Variants in SDK1 observed in about 807,000 individuals in gnomAD.
The protein encoded by SDK1 is protein sidekick-1.
A neutral mutation model predicts 245.5 loss-of-function variants in SDK1; 157 were observed. The ratio of observed to expected loss-of-function variants is 0.64; its 90% CI spans 0.56 to 0.73. The LOEUF (loss-of-function observed/expected upper bound fraction) is 0.73. Among genes scored for constraint, SDK1 ranks in the 30% least tolerant of loss-of-function variants. The pLI, the probability that SDK1 is intolerant of heterozygous loss-of-function variation, is 0.00. For synonymous variants in SDK1, 1,647 were observed against 1,278.5 expected, an observed-to-expected ratio of 1.29 and a Z score of -6.15; for missense variants, 3,583 against 3,002.3, an observed-to-expected ratio of 1.19 and a Z score of -4.52.
chr7:4,061,932 T>G (rs2128171168), intron 19 of SDK1, among the ~76,000 whole-genome samples: 1 of 129,288 alleles, frequency 7.7e-6, no homozygotes, highest in South Asian at 2.4e-4. Context: ...AATTGAACAG[T>G]GAGAACACAT....
Position 4,022,900 on chromosome 7 carries a change from A to G in SDK1, c.2602+5548A>G, listed in dbSNP as rs368440794. ...GCCGTTCTCCTGCCTCAGCCTCCCA[A>G]GTAGCTGGGACCACAGGCGCCCGCC... On this transcript the variant is annotated intron_variant, in intron 17 of 44. Coordinates refer to ENST00000404826, the MANE Select transcript of SDK1 (RefSeq NM_152744.4). Among the ~76,000 whole-genome samples the G allele has an allele frequency of 8.7e-4, 132 of 151,176 alleles. 3 individuals carry two copies. The South Asian group carries it at 0.026, about 30-fold the overall frequency.
rs966947553 is a variant in SDK1 at position 4,234,985 on chromosome 7, C to T, written c.5992+1566C>T. Among the ~76,000 whole-genome samples, 4 of 152,318 alleles carry T rather than the reference C, an allele frequency of 2.6e-5. No individual in the cohort carries two copies. In the East Asian group the frequency reaches 7.7e-4, roughly 29 times the overall value. ...GCGTTAGAGCTGCTTGAGCTACTGA[C>T]TGCACTTGTTGAAATTGAACTTAAC... On this transcript the variant is annotated intron_variant, in intron 41 of 44. Transcript: ENST00000404826.
intron 17 of SDK1, among the ~76,000 whole-genome samples, chr7:4,044,039 C>A (rs935387787): frequency 2.0e-5 from 3 of 152,132 alleles, no homozygotes; most frequent in Non-Finnish European, 4.4e-5. Context: ...TCTATTGCTG[C>A]CTAACTGACT....
At chr7:3,589,594 C>G (rs571317427) in intron 1 of SDK1, among the ~76,000 whole-genome samples, 16 of 152,278 alleles carry the variant, frequency 1.1e-4, no homozygotes, top group Admixed American at 1.0e-3. Flanking sequence ...GGGGAGGCCT[C>G]ACAATCATGG....
intron 4 of SDK1, among the ~76,000 whole-genome samples, chr7:3,676,390 G>A (rs1374531728): frequency 1.3e-5 from 2 of 148,262 alleles, no homozygotes; most frequent in South Asian, 2.1e-4. Context: ...CAGTGGCGCA[G>A]TCTCAGCTCA....
intron 1 of SDK1, among the ~76,000 whole-genome samples, chr7:3,579,892 G>T (rs1490007797): frequency 6.6e-6 from 1 of 152,218 alleles, no homozygotes; most frequent in African/African-American, 2.4e-5. Flanking sequence ...CCTTGGGTGA[G>T]TCATCATCTT....
intron 35 of SDK1, among the ~76,000 whole-genome samples, chr7:4,181,321 G>A (rs60726763): frequency 0.28 from 43,351 of 152,122 alleles, 6,244 homozygotes; most frequent in Middle Eastern, 0.43. Context: ...TGCATTTACC[G>A]CATCTGGTGT....
At chr7:3,669,595 C>G (rs1232454529) in intron 4 of SDK1, among the ~76,000 whole-genome samples, 1 of 152,176 alleles carries the variant, frequency 6.6e-6, no homozygotes, top group African/African-American at 2.4e-5. Context: ...TTGCCTTCCT[C>G]CACCTGTCTT....
At chr7:3,359,266 G>A (rs1167268160) in intron 1 of SDK1, among the ~76,000 whole-genome samples, 2 of 152,166 alleles carry the variant, frequency 1.3e-5, no homozygotes, top group East Asian at 3.9e-4. Context: ...AGGGAGCAGA[G>A]CCCGGAGGCT....
intron 1 of SDK1, among the ~76,000 whole-genome samples, chr7:3,586,522 C>T (rs1780693737): frequency 6.6e-6 from 1 of 151,052 alleles, no homozygotes; most frequent in African/African-American, 2.4e-5. Flanking sequence ...ACCGTGAAAC[C>T]CTGTCTCTAC....
chr7:3,364,708 C>G (rs1245346390), intron 1 of SDK1, among the ~76,000 whole-genome samples: 1 of 152,144 alleles, frequency 6.6e-6, no homozygotes, highest in African/African-American at 2.4e-5. Context: ...ATCAGGTACA[C>G]TGATGATTGC....
chr7:3,839,510 G>A (rs1216128948), intron 5 of SDK1, among the ~76,000 whole-genome samples: 1 of 152,150 alleles, frequency 6.6e-6, no homozygotes, highest in Non-Finnish European at 1.5e-5. Context: ...TGTTAAAACT[G>A]TTAAAACTCC....
intron 4 of SDK1, among the ~76,000 whole-genome samples, chr7:3,740,257 G>T (rs1033934405): frequency 6.6e-5 from 10 of 152,146 alleles, no homozygotes; most frequent in Non-Finnish European, 1.2e-4. Context: ...GCCTTTTCCA[G>T]TGCTTTTTCT....
chr7:3,910,298 A>T (rs899023527), intron 5 of SDK1, among the ~76,000 whole-genome samples: 5 of 152,216 alleles, frequency 3.3e-5, no homozygotes, highest in African/African-American at 1.2e-4. Flanking sequence ...ACCACAGCAC[A>T]ATACTCTGTT....
At chr7:3,371,977 C>T (rs947757338) in intron 1 of SDK1, among the ~76,000 whole-genome samples, 3 of 152,142 alleles carry the variant, frequency 2.0e-5, no homozygotes, top group Non-Finnish European at 4.4e-5. Flanking sequence ...AGGTTTGTCT[C>T]AGGTATCTTG....
chr7:3,870,579 A>G (rs1449680305), intron 5 of SDK1, among the ~76,000 whole-genome samples: 1 of 151,608 alleles, frequency 6.6e-6, no homozygotes, highest in South Asian at 2.1e-4. Flanking sequence ...GAAAAAAAAA[A>G]GTAAACTTTT....
intron 1 of SDK1, among the ~76,000 whole-genome samples, chr7:3,369,697 A>G (rs1363057709): frequency 2.0e-5 from 3 of 152,246 alleles, no homozygotes; most frequent in African/African-American, 4.8e-5. Context: ...AAGAATTATT[A>G]TAAATTAATA....
At chr7:3,864,240 C>A (rs982987008) in intron 5 of SDK1, among the ~76,000 whole-genome samples, 4 of 152,148 alleles carry the variant, frequency 2.6e-5, no homozygotes, top group Admixed American at 2.6e-4. Flanking sequence ...GTGTTTATGT[C>A]AATTTGGGCA....
At chr7:4,095,176 TCCTC>T in intron 22 of SDK1, among the ~76,000 whole-genome samples, 1 of 148,008 alleles carries the variant, frequency 6.8e-6, no homozygotes, top group South Asian at 2.2e-4. Flanking sequence ...TCTGAGCTCT[TCCTC>T]AGCTCCCCCA....
Sources: allele counts gnomAD v4.1 joint callset (sites outside exome capture counted in the v4.1 genomes callset), GRCh38; gene constraint gnomAD v4.1.1; transcripts MANE v1.5; gene names NCBI Gene and HGNC (gene_info 2026-07-23, HGNC 2026-07-21).